Variants in MEN1 observed in about 807,000 individuals in gnomAD.
The protein encoded by MEN1 is menin 1.
A neutral mutation model predicts 58.0 loss-of-function variants in MEN1; 6 were observed. The observed-to-expected ratio is 0.10, with a 90% CI of 0.06 to 0.20. The LOEUF is 0.20. MEN1 is among the 10% of genes least tolerant of loss of function. The pLI is 1.00. For missense variants in MEN1, 492 were observed against 818.5 expected (o/e 0.60, Z 4.87); for synonymous variants, 346 against 350.7 (o/e 0.99, Z 0.15).
Position 64,810,081 on chromosome 11 carries a change from A to T in MEN1, c.29T>A (p.Leu10Gln). The change falls in exon 2 of 10, where the codon CTG becomes CAG. Residue 10 changes from leucine to glutamine, a missense_variant. Leu to Gln is a moderately radical substitution (Grantham distance 113, BLOSUM62 -2). This residue lies in a region of MEN1 where 335 missense variants were observed against 550.3 expected (regional missense o/e 0.61). Transcript: ENST00000450708. MGLKAAQKT[L>Q]FPLRSIDDVV... ...GTCGTCGATGGAGCGCAGCGGGAAC[A>T]GCGTCTTCTGGGCGGCCTTCAGCCC... is the stretch of plus-strand genomic sequence containing the variant. The T allele has an allele frequency of 6.4e-7, 1 of 1,564,234 alleles. No individual in the cohort carries two copies. The highest frequency in any genetic ancestry group is 1.4e-5 in the African/African-American group (1 of 71,974).
rs766052368 is a variant in MEN1, at chr11:64,804,832, G to A, written c.1351-16C>T. On this transcript the variant is annotated splice_polypyrimidine_tract_variant and intron_variant, in intron 9 of 9. Transcript: ENST00000450708. This position sits in a 1 kb window ranked among gnomAD's most constrained non-coding sequence, Gnocchi z 4.2. The stretch of plus-strand genomic sequence containing the variant: ...TCTGCCGCACCTGGGCCAGTGGGGA[G>A]AGCAAGGTGAGAGCAAGGTTGCCGG... 1 of 1,596,676 alleles carries A rather than the reference G, an allele frequency of 6.3e-7. No homozygotes were observed. The highest frequency in any genetic ancestry group is 8.5e-7 in the Non-Finnish European group (1 of 1,178,888).
At position 64,807,915 on chromosome 11, in the gene MEN1, T is replaced by A. The variant is rs1592650685; in HGVS notation, c.630A>T (p.Thr210=). Residue 210 remains threonine, a synonymous_variant, in exon 3 of 10, where the codon ACA becomes ACT. Transcript: ENST00000450708. This position sits in a 1 kb window ranked among gnomAD's most constrained non-coding sequence, Gnocchi z 4.9. Reference sequence around the variant, plus strand: ...CCCGCTCAGCCACACCGGCATTGACTGTCTGGCCCCTGCGGTCCTCGTTGC... The same window carrying A: ...CCCGCTCAGCCACACCGGCATTGACAGTCTGGCCCCTGCGGTCCTCGTTGC... The part of the protein sequence containing the change: ...GKGNEDRRGQ[T]VNAGVAERSW... 6.2e-7 allele frequency: 1 copy of A among 1,614,140 alleles called. No individual in the cohort carries two copies. Among genetic ancestry groups the A allele is most frequent in the Non-Finnish European group, 8.5e-7 (1 of 1,180,008 alleles).
In MEN1 at chr11:64,808,017, G is replaced by T. The variant is rs1311592330; in HGVS notation, c.528C>A (p.Ala176=). 6.2e-7 allele frequency: 1 copy of T among 1,614,190 alleles called. No homozygotes were observed. The highest frequency in any genetic ancestry group is 1.7e-5 in the Admixed American group (1 of 60,016). The part of the protein sequence containing the change: ...QALGLRDVHL[A]LSEDHAWVVF... ...CTACCCAGGCATGATCCTCAGACAG[G>T]GCGAGGTGGACATCCCGGAGACCCA... is the stretch of plus-strand genomic sequence containing the variant. Residue 176 remains alanine, a synonymous_variant, in exon 3 of 10, where the codon GCC becomes GCA. Coordinates refer to ENST00000450708, the MANE Select transcript of MEN1 (RefSeq NM_001370259.2).
chr11:64,809,027 T>A (rs1380332473), intron 2 of MEN1, among the ~76,000 whole-genome samples: 1 of 151,054 alleles, frequency 6.6e-6, no homozygotes, highest in African/African-American at 2.4e-5. Flanking sequence ...TTTGGGAGAC[T>A]GAGGCGGGCA....
chr11:64,809,649 C>A lies in MEN1; in HGVS notation c.445+16G>T. On this transcript the variant is annotated intron_variant, in intron 2 of 9. Transcript: ENST00000450708. ...AAGTGGGTCATGGATAAGATTCCCACCTACTGGGCTCCAACCTGTGATGAA... is the reference window on the plus strand; with the variant it reads ...AAGTGGGTCATGGATAAGATTCCCAACTACTGGGCTCCAACCTGTGATGAA... 1 of 1,613,872 alleles carries A rather than the reference C, an allele frequency of 6.2e-7. No individual in the cohort carries two copies. Among genetic ancestry groups the A allele is most frequent in the Non-Finnish European group, 8.5e-7 (1 of 1,179,748 alleles).
intron 7 of MEN1, 144 bp downstream of exon 7, chr11:64,806,088 G>A: frequency 9.5e-7 from 1 of 1,055,226 alleles, no homozygotes; most frequent in Admixed American, 2.0e-5. Context: ...CCTACCTCCT[G>A]GGTAATGGTG....
rs768402169 is a variant in MEN1, at chr11:64,807,167, C to G, written c.824+12G>C. 1 of 1,614,038 alleles carries G rather than the reference C, an allele frequency of 6.2e-7. No individual in the cohort carries two copies. Among genetic ancestry groups the G allele is most frequent in the Non-Finnish European group, 8.5e-7 (1 of 1,179,958 alleles). Reference sequence around the variant, plus strand: ...CTCACCAGGCGCAGCCTGGCCACTTCCCTCTACTGACCTTTCCAGATGTCC... The same window carrying G: ...CTCACCAGGCGCAGCCTGGCCACTTGCCTCTACTGACCTTTCCAGATGTCC... On this transcript the variant is annotated intron_variant, in intron 5 of 9. Transcript: ENST00000450708. The surrounding 1 kb of genome is among the most constrained non-coding windows in gnomAD (Gnocchi z 4.9).
Position 64,807,521 on chromosome 11 carries a change from C to G in MEN1, c.783+31G>C. 6.2e-7 allele frequency: 1 copy of G among 1,613,328 alleles called. No individual in the cohort carries two copies. The highest frequency in any genetic ancestry group is 8.5e-7 in the Non-Finnish European group (1 of 1,179,498). ...CCACAGCAAGTCAAGTCTGGCCTAG[C>G]CCAGTCCTGCCCCATTGGCTCAGCC... On this transcript the variant is annotated intron_variant, in intron 4 of 9. Transcript: ENST00000450708. This position sits in a 1 kb window ranked among gnomAD's most constrained non-coding sequence, Gnocchi z 4.9.
rs759282395 is a variant in MEN1, at chr11:64,810,053, C to T, written c.57G>A (p.Val19=). Residue 19 remains valine (V), a synonymous_variant, in exon 2 of 10, where the codon GTG becomes GTA. Coordinates refer to ENST00000450708, the MANE Select transcript of MEN1 (RefSeq NM_001370259.2). ...TLFPLRSIDD[V]VRLFAAELGR... ...CCAGCTCGGCAGCAAACAGGCGCAC[C>T]ACGTCGTCGATGGAGCGCAGCGGGA... 1 of 1,609,808 alleles carries T rather than the reference C, an allele frequency of 6.2e-7. No individual in the cohort carries two copies. The highest frequency in any genetic ancestry group is 8.5e-7 in the Non-Finnish European group (1 of 1,178,500).
rs897481809 is a variant in MEN1 at position 64,805,070 on chromosome 11, G to C, written c.1314C>G (p.Thr438=). 1.1e-5 allele frequency: 18 copies of C among 1,614,114 alleles called. No individual in the cohort carries two copies. Among genetic ancestry groups the C allele is most frequent in the Non-Finnish European group, 1.5e-5 (18 of 1,180,002 alleles). ...AACGGCCTAGGGACTGCACAAGAAA[G>C]GTGGCCCAGCCCACATGCAGCACAG... ...PTPVLHVGWA[T]FLVQSLGRFE... The change falls in exon 9 of 10, where the codon ACC becomes ACG. Residue 438 remains threonine, a synonymous_variant. Transcript: ENST00000450708.
In MEN1 at chr11:64,808,110, G is replaced by C. The variant is rs1273035105; in HGVS notation, c.446-11C>G. On this transcript the variant is annotated splice_polypyrimidine_tract_variant and intron_variant, in intron 2 of 9. Coordinates refer to ENST00000450708, the MANE Select transcript of MEN1 (RefSeq NM_001370259.2). Reference sequence around the variant, plus strand: ...TGTCCAATTTGGTGCCTGTGGAAGGGGGAGGTAATGAAAGAGGGTCCTCTG... The same window carrying C: ...TGTCCAATTTGGTGCCTGTGGAAGGCGGAGGTAATGAAAGAGGGTCCTCTG... 1.6e-5 allele frequency: 26 copies of C among 1,599,538 alleles called. No individual in the cohort carries two copies. Among genetic ancestry groups the C allele is most frequent in the Non-Finnish European group, 2.2e-5 (26 of 1,173,802 alleles).
rs753431102 is a variant in MEN1 at position 64,804,837 on chromosome 11, A to T, written c.1351-21T>A. Reference sequence around the variant, plus strand: ...CGCACCTGGGCCAGTGGGGAGAGCAAGGTGAGAGCAAGGTTGCCGGCCAGT... The same window carrying T: ...CGCACCTGGGCCAGTGGGGAGAGCATGGTGAGAGCAAGGTTGCCGGCCAGT... On this transcript the variant is annotated intron_variant, in intron 9 of 9. Transcript: ENST00000450708. The surrounding 1 kb of genome is among the most constrained non-coding windows in gnomAD (Gnocchi z 4.2). The T allele has an allele frequency of 6.3e-7, 1 of 1,596,448 alleles. No homozygotes were observed. The highest frequency in any genetic ancestry group is 8.5e-7 in the Non-Finnish European group (1 of 1,178,716).
rs1941803719 is a variant in MEN1, at chr11:64,807,323, C to G, written c.784-104G>C. On this transcript the variant is annotated intron_variant, in intron 4 of 9. Coordinates refer to ENST00000450708, the MANE Select transcript of MEN1 (RefSeq NM_001370259.2). The surrounding 1 kb of genome is among the most constrained non-coding windows in gnomAD (Gnocchi z 4.9). ...GTCAGAACCAACAGGGACCACCCAC[C>G]ATGTGGAAGGGCCAAAATTCTGGGA... 2.2e-6 allele frequency: 3 copies of G among 1,383,328 alleles called. No homozygotes were observed. Among genetic ancestry groups the G allele is most frequent in the East Asian group, 2.4e-5 (1 of 41,894 alleles). The allele number at this position is 1,383,328 out of a possible 1,614,324, so 85.7% of individuals were successfully genotyped here.
At chr11:64,809,529 A>G (rs1442411426) in intron 2 of MEN1, 136 bp downstream of exon 2, 1 of 1,111,206 alleles carries the variant, frequency 9.0e-7, no homozygotes, top group East Asian at 2.4e-5. Context: ...TCTGGGCTTC[A>G]GTTTCCCAAC....
Sources: allele counts gnomAD v4.1 joint callset (sites outside exome capture counted in the v4.1 genomes callset), GRCh38; gene constraint gnomAD v4.1.1; regional missense constraint gnomAD v4.1.1; non-coding constraint Gnocchi (gnomAD v3.1); transcripts MANE v1.5; gene names NCBI Gene and HGNC (gene_info 2026-07-23, HGNC 2026-07-21).